The following LIMCH1 variants were observed in gnomAD, a reference collection of about 807,000 sequenced individuals.
LIMCH1 encodes the protein LIM and calponin homology domains-containing protein 1.
LIMCH1 carries 113 observed loss-of-function variants against 176.5 expected under a neutral mutation model. The observed-to-expected ratio is 0.64, with a 90% CI of 0.55 to 0.75. LIMCH1 has a LOEUF of 0.75. Ranked by LOEUF, LIMCH1 falls within the 30% of genes least tolerant of loss-of-function variation. The pLI is 0.00. For missense variants in LIMCH1, 1,674 were observed against 1,814.9 expected (o/e 0.92, Z 1.41); for synonymous variants, 619 against 645.9 (o/e 0.96, Z 0.63).
intron 19 of LIMCH1, among the ~76,000 whole-genome samples, 177 bp from the exon 20 acceptor site, chr4:41,662,644 C>T (rs1164291289): frequency 6.6e-6 from 1 of 152,134 alleles, no homozygotes; most frequent in East Asian, 1.9e-4. Flanking sequence ...CATGAAAGAG[C>T]TTTGGGAATT....
At chr4:41,402,753 A>T (rs1164742040) in intron 1 of LIMCH1, among the ~76,000 whole-genome samples, 4 of 147,486 alleles carry the variant, frequency 2.7e-5, no homozygotes, top group Non-Finnish European at 5.9e-5. Context: ...GCATGTTCTC[A>T]CTCATAGATG....
intron 6 of LIMCH1, chr4:41,620,120 A>G (rs566743198): frequency 5.6e-5 from 18 of 322,136 alleles, no homozygotes; most frequent in Middle Eastern, 9.5e-4. Context: ...ATTATTTTCC[A>G]TTGAATAAAG....
rs139627168 is a variant in LIMCH1, at chr4:41,364,761, A to T, written c.96+3825A>T. On this transcript the variant is annotated intron_variant, in intron 1 of 26. Transcript: ENST00000313860. ...GTAGATGATCTAATATTAAATCATT[A>T]TACAAATAATGGGTCCAAATATTCA... Among the ~76,000 whole-genome samples, 97 of 152,340 alleles carry T rather than the reference A, an allele frequency of 6.4e-4. 3 individuals carry two copies. The highest frequency in any genetic ancestry group is 1.9e-3 in the African/African-American group (81 of 41,590).
chr4:41,363,294 T>A lies in LIMCH1; in HGVS notation c.96+2358T>A, dbSNP rs148270339. On this transcript the variant is annotated intron_variant, in intron 1 of 26. Transcript: ENST00000313860. ...GTGAATCCCCGGGTGGGGGGGCGGA[T>A]TGGGGATTGGTATCTCGAGACAATT... Among the ~76,000 whole-genome samples, 398 of 152,264 alleles carry A rather than the reference T, an allele frequency of 2.6e-3. 1 individual carries two copies. The highest frequency in any genetic ancestry group is 9.3e-3 in the African/African-American group (388 of 41,550).
chr4:41,376,896 T>A (rs1015945728), intron 1 of LIMCH1, among the ~76,000 whole-genome samples: 4 of 152,200 alleles, frequency 2.6e-5, no homozygotes, highest in African/African-American at 9.7e-5. Flanking sequence ...GTTGCCCATA[T>A]GCAGTACTTA....
intron 1 of LIMCH1, among the ~76,000 whole-genome samples, chr4:41,485,441 G>A (rs2069342665): frequency 6.6e-6 from 1 of 152,166 alleles, no homozygotes; most frequent in South Asian, 2.1e-4. Flanking sequence ...ATTTTGGTTA[G>A]TGAATTAATC....
chr4:41,510,936 T>G (rs1228470361), intron 2 of LIMCH1, among the ~76,000 whole-genome samples: 3 of 152,192 alleles, frequency 2.0e-5, no homozygotes, highest in African/African-American at 7.2e-5. Context: ...ACTTCCTTCT[T>G]GGTATCAAGA....
At chr4:41,360,705 A>G (rs2051847379), upstream of LIMCH1, 4 of 485,634 alleles carry the variant, frequency 8.2e-6, no homozygotes, top group Admixed American at 4.7e-5. The surrounding 1 kb of genome is among the most constrained non-coding windows in gnomAD (Gnocchi z 4.5). Context: ...CTCTCCCGGG[A>G]CCTGCGCCGG....
In LIMCH1 at chr4:41,650,479, C is replaced by T. The variant is rs371329558; in HGVS notation, c.2907C>T (p.His969=). The T allele has an allele frequency of 9.3e-6, 15 of 1,614,028 alleles. No homozygotes were observed. Among genetic ancestry groups the T allele is most frequent in the Admixed American group, 3.3e-5 (2 of 59,998 alleles). ...AGTGTCCCACGGTGGCACCTGCCCA[C>T]TCCTTAACCAAATCCCAGATGTTTG... ...ERECPTVAPA[H]SLTKSQMFEG... Residue 969 remains histidine (H), a synonymous_variant, in exon 18 of 32, where the codon CAC becomes CAT. Coordinates refer to ENST00000503057, the MANE Select transcript of LIMCH1 (RefSeq NM_001330672.2).
chr4:41,687,090 A>T (rs1389414919), intron 28 of LIMCH1, among the ~76,000 whole-genome samples: 1 of 152,200 alleles, frequency 6.6e-6, no homozygotes, highest in Non-Finnish European at 1.5e-5. Flanking sequence ...CGGAAGACAC[A>T]TGGACTCCCA....
At chr4:41,576,772 T>C (rs548773378) in intron 1 of LIMCH1, among the ~76,000 whole-genome samples, 73 of 152,298 alleles carry the variant, frequency 4.8e-4, no homozygotes, top group African/African-American at 1.6e-3. Flanking sequence ...TAATAATTTT[T>C]TTAAATGATG....
intron 7 of LIMCH1, among the ~76,000 whole-genome samples, chr4:41,623,533 G>T (rs1374231087): frequency 1.3e-5 from 2 of 152,098 alleles, no homozygotes; most frequent in African/African-American, 4.8e-5. Context: ...CGAGGCGGGC[G>T]GATCACTTGA....
chr4:41,456,880 C>T (rs569729219), intron 1 of LIMCH1, among the ~76,000 whole-genome samples: 98 of 152,254 alleles, frequency 6.4e-4, no homozygotes, highest in Admixed American at 2.2e-3. Flanking sequence ...TGTCAACCAC[C>T]ATACCGACAT....
chr4:41,629,402 T>G, intron 8 of LIMCH1, 90 bp from the exon 9 acceptor site: 305 of 1,424,616 alleles, frequency 2.1e-4, no homozygotes, highest in Non-Finnish European at 2.7e-4. Context: ...CCTCAGCCTG[T>G]GAGTTTCCAT....
At chr4:41,676,346 G>T in intron 22 of LIMCH1, 36 bp from the exon 23 acceptor site, 2 of 1,568,634 alleles carry the variant, frequency 1.3e-6, no homozygotes, top group Non-Finnish European at 1.8e-6. Flanking sequence ...TGAGGACATG[G>T]CTCAATTCTG....
At chr4:41,601,769 C>T (rs749665765) in intron 2 of LIMCH1, among the ~76,000 whole-genome samples, 1 of 152,064 alleles carries the variant, frequency 6.6e-6, no homozygotes, top group Non-Finnish European at 1.5e-5. Flanking sequence ...TATCGGATTT[C>T]GTGTATTTTT....
At chr4:41,557,998 A>G (rs191440017) in intron 1 of LIMCH1, among the ~76,000 whole-genome samples, 4 of 152,062 alleles carry the variant, frequency 2.6e-5, no homozygotes, top group East Asian at 1.9e-4. Context: ...CAGATTATCT[A>G]CCTTATCACA....
chr4:41,406,793 T>C (rs1053681101), intron 1 of LIMCH1, among the ~76,000 whole-genome samples: 1 of 152,166 alleles, frequency 6.6e-6, no homozygotes, highest in African/African-American at 2.4e-5. Flanking sequence ...TAAGAATTCT[T>C]ATTCAAGGGA....
At chr4:41,374,555 T>A (rs1030592406) in intron 1 of LIMCH1, among the ~76,000 whole-genome samples, 34 of 137,664 alleles carry the variant, frequency 2.5e-4, no homozygotes, top group Non-Finnish European at 4.9e-4. Context: ...TTTAATAATT[T>A]TTTTCATTCA....
Sources: allele counts gnomAD v4.1 joint callset (sites outside exome capture counted in the v4.1 genomes callset), GRCh38; gene constraint gnomAD v4.1.1; non-coding constraint Gnocchi (gnomAD v3.1); transcripts MANE v1.5; gene names NCBI Gene and HGNC (gene_info 2026-07-23, HGNC 2026-07-21).